PTPRG: variants seen among roughly 807,000 people sequenced by gnomAD.
PTPRG encodes the protein receptor-type tyrosine-protein phosphatase gamma.
In PTPRG, 102 loss-of-function variants were observed where a neutral mutation model predicts 165.3. The observed-to-expected ratio is 0.62, with a 90% confidence interval of 0.53 to 0.73. The LOEUF (loss-of-function observed/expected upper bound fraction) is 0.73, where lower values mean the gene tolerates loss of function less well. PTPRG is among the 30% of genes least tolerant of loss of function. The pLI is 0.00. For missense variants in PTPRG, 1,866 were observed against 1,861.4 expected, an observed-to-expected ratio of 1.00 and a Z score of -0.05; for synonymous variants, 675 against 669.5, an observed-to-expected ratio of 1.01 and a Z score of -0.13.
intron 2 of PTPRG, among the ~76,000 whole-genome samples, chr3:61,906,820 TAG>T (rs1186958700): frequency 9.8e-5 from 14 of 142,744 alleles, no homozygotes; most frequent in Admixed American, 4.1e-4. Flanking sequence ...GGTAGGTAGG[TAG>T]GTAGGTAGAA....
chr3:61,700,157 G>A (rs1253227430), intron 1 of PTPRG, among the ~76,000 whole-genome samples: 1 of 152,112 alleles, frequency 6.6e-6, no homozygotes, highest in African/African-American at 2.4e-5. Context: ...ACCCCCTAAG[G>A]ATTGCCATAT....
At chr3:62,001,172 G>A (rs1254563361) in intron 3 of PTPRG, among the ~76,000 whole-genome samples, 2 of 152,166 alleles carry the variant, frequency 1.3e-5, no homozygotes, top group Non-Finnish European at 2.9e-5. Flanking sequence ...CCAGTTTTGT[G>A]TGTAAACAAA....
intron 1 of PTPRG, among the ~76,000 whole-genome samples, chr3:61,653,903 G>GGTGT (rs1553644925): frequency 1.9e-4 from 26 of 137,826 alleles, no homozygotes; most frequent in Non-Finnish European, 3.8e-4. Flanking sequence ...GAGCGGTGGG[G>GGTGT]GGCGCGGGGA....
intron 4 of PTPRG, among the ~76,000 whole-genome samples, chr3:62,064,637 T>C (rs1361137991): frequency 6.6e-6 from 1 of 152,038 alleles, no homozygotes; most frequent in Non-Finnish European, 1.5e-5. Context: ...GTATTAATAT[T>C]GTGAATAAAG....
intron 6 of PTPRG, among the ~76,000 whole-genome samples, chr3:62,133,131 G>A (rs1259151145): frequency 6.6e-6 from 1 of 152,198 alleles, no homozygotes; most frequent in African/African-American, 2.4e-5. Flanking sequence ...CCAGGCTGCT[G>A]TTCTGTGCTG....
chr3:61,964,964 C>T (rs1365275803), intron 2 of PTPRG, among the ~76,000 whole-genome samples: 1 of 152,052 alleles, frequency 6.6e-6, no homozygotes, highest in Non-Finnish European at 1.5e-5. Context: ...AATCCGGGGC[C>T]GGGTGCAGTC....
chr3:62,050,859 C>G (rs976518915), intron 4 of PTPRG, among the ~76,000 whole-genome samples: 3 of 152,178 alleles, frequency 2.0e-5, no homozygotes, highest in African/African-American at 7.2e-5. Context: ...CTACATCCCT[C>G]TAGGTTCAGA....
At chr3:61,983,880 GT>G (rs563353815) in intron 2 of PTPRG, among the ~76,000 whole-genome samples, 249 of 152,200 alleles carry the variant, frequency 1.6e-3, no homozygotes, top group Non-Finnish European at 3.0e-3. Context: ...ACATTAAGGT[GT>G]TTCTCTCAGA....
At chr3:61,857,108 C>T (rs769876230) in intron 2 of PTPRG, among the ~76,000 whole-genome samples, 23 of 151,920 alleles carry the variant, frequency 1.5e-4, no homozygotes, top group Non-Finnish European at 2.8e-4. Flanking sequence ...TTTACCCCCT[C>T]TCTCAACATA....
intron 28 of PTPRG, among the ~76,000 whole-genome samples, chr3:62,290,937 G>C (rs150797897): frequency 6.6e-6 from 1 of 151,974 alleles, no homozygotes; most frequent in Non-Finnish European, 1.5e-5. Context: ...CTGTACTTCC[G>C]TATAACAAAA....
chr3:61,688,578 G>C (rs933924958), intron 1 of PTPRG, among the ~76,000 whole-genome samples: 1 of 152,212 alleles, frequency 6.6e-6, no homozygotes, highest in Non-Finnish European at 1.5e-5. Flanking sequence ...GATTGGAGCA[G>C]GCAAATCGGG....
intron 28 of PTPRG, among the ~76,000 whole-genome samples, chr3:62,283,157 T>G (rs1380822516): frequency 6.6e-6 from 1 of 152,150 alleles, no homozygotes; most frequent in African/African-American, 2.4e-5. Context: ...TTAGAGGTGT[T>G]ATGTGTTAGT....
chr3:61,813,491 G>A (rs2107221215), intron 2 of PTPRG, among the ~76,000 whole-genome samples: 1 of 148,866 alleles, frequency 6.7e-6, no homozygotes, highest in South Asian at 2.2e-4. Context: ...ACTCCAGCCT[G>A]GGTGACAGAA....
intron 1 of PTPRG, among the ~76,000 whole-genome samples, chr3:61,604,795 T>C (rs986869558): frequency 1.3e-5 from 2 of 152,074 alleles, no homozygotes; most frequent in Admixed American, 6.6e-5. Flanking sequence ...GGAGGGTTCA[T>C]TGTGGCAAAG....
chr3:62,055,906 T>C (rs1284049852), intron 4 of PTPRG, among the ~76,000 whole-genome samples: 1 of 152,216 alleles, frequency 6.6e-6, no homozygotes, highest in African/African-American at 2.4e-5. Flanking sequence ...TTATAAATTT[T>C]CCAAATAAGG....
At position 61,738,330 on chromosome 3, in the gene PTPRG, A is replaced by G. The variant is rs1401709134; in HGVS notation, c.86-10548A>G. On this transcript the variant is annotated intron_variant, in intron 1 of 29. Coordinates refer to ENST00000474889, the MANE Select transcript of PTPRG (RefSeq NM_002841.4). ...TATATATACATATATATATATATAT[A>G]TATATATGTATATATATATATAAAC... 8.7e-4 allele frequency among the ~76,000 whole-genome samples: 110 copies of G among 126,312 alleles called. 12 individuals are homozygous for G. The highest frequency in any genetic ancestry group is 2.9e-3 in the African/African-American group (103 of 35,424). 82.9% of individuals were successfully genotyped at this position (126,312 alleles called of 152,430 possible).
intron 14 of PTPRG, 75 bp from the exon 15 acceptor site, chr3:62,243,732 A>C: frequency 2.1e-6 from 2 of 944,074 alleles, no homozygotes; most frequent in Non-Finnish European, 3.2e-6. Context: ...AAGATCTATA[A>C]AATAAGAATT....
At chr3:62,029,276 G>A (rs1408112421) in intron 4 of PTPRG, among the ~76,000 whole-genome samples, 1 of 152,012 alleles carries the variant, frequency 6.6e-6, no homozygotes, top group Non-Finnish European at 1.5e-5. Context: ...ACAGGTCCGA[G>A]TTAGAGTCCA....
intron 2 of PTPRG, among the ~76,000 whole-genome samples, chr3:61,763,680 G>A (rs553290087): frequency 2.8e-4 from 43 of 152,218 alleles, no homozygotes; most frequent in African/African-American, 1.0e-3. Context: ...CCATTTTCAG[G>A]TTTTAAAGGC....
Sources: gnomAD v4.1 joint callset for allele counts (sites outside exome capture counted in the v4.1 genomes callset) on GRCh38, gnomAD v4.1.1 for gene constraint, MANE v1.5 for transcripts, NCBI Gene and HGNC (gene_info 2026-07-23, HGNC 2026-07-21) for gene names.